Variants in ART4 observed in about 807,000 individuals in gnomAD.
The protein encoded by ART4 is ecto-ADP-ribosyltransferase 4.
A neutral mutation model predicts 24.2 loss-of-function variants in ART4; 14 were observed. The ratio of observed to expected loss-of-function variants is 0.58; its 90% CI spans 0.38 to 0.90. The LOEUF (loss-of-function observed/expected upper bound fraction) is 0.90, where lower values mean the gene tolerates loss of function less well. Ranked by LOEUF, ART4 falls within the 40% of genes least tolerant of loss-of-function variation. The probability of loss-of-function intolerance (pLI) is 0.00; values close to 1 mark genes in which losing one functional copy is unlikely to be tolerated. For missense variants in ART4, 356 were observed against 366.6 expected, an observed-to-expected ratio of 0.97 and a Z score of 0.24; for synonymous variants, 145 against 139.9, an observed-to-expected ratio of 1.04 and a Z score of -0.26.
chr12:14,835,925 C>T (rs936663510), intron 2 of ART4, among the ~76,000 whole-genome samples: 4 of 152,064 alleles, frequency 2.6e-5, no homozygotes, highest in African/African-American at 9.7e-5. Context: ...TTTTTTAAAT[C>T]ATAAGAGATA....
intron 2 of ART4, among the ~76,000 whole-genome samples, chr12:14,835,536 G>T (rs180899925): frequency 5.3e-5 from 8 of 151,568 alleles, no homozygotes; most frequent in Admixed American, 2.6e-4. Flanking sequence ...CTGATTGAGA[G>T]AAAAACAAAG....
At chr12:14,832,463 T>C (rs1333671799) in intron 2 of ART4, among the ~76,000 whole-genome samples, 4 of 152,194 alleles carry the variant, frequency 2.6e-5, no homozygotes, top group Non-Finnish European at 5.9e-5. Context: ...CTTCCCATAG[T>C]GTTCACTGTC....
chr12:14,841,053 T>C lies in ART4; in HGVS notation c.245A>G (p.Tyr82Cys). ...CTGGGCTTCTATGTCTTTTGTGAAATAATCCCCTTGAGTTAGTTTCTCCAT... is the reference window on the plus strand; with the variant it reads ...CTGGGCTTCTATGTCTTTTGTGAAACAATCCCCTTGAGTTAGTTTCTCCAT... ...QVMEKLTQGD[Y>C]FTKDIEAQKN... The change falls in exon 2 of 3, where the codon TAT becomes TGT. Residue 82 changes from tyrosine (Y) to cysteine (C), a missense_variant. Transcript: ENST00000228936. The C allele has an allele frequency of 6.2e-7, 1 of 1,614,218 alleles. No individual in the cohort carries two copies. The highest frequency in any genetic ancestry group is 8.5e-7 in the Non-Finnish European group (1 of 1,180,028).
chr12:14,829,418 G>C lies in ART4; in HGVS notation c.898C>G (p.Leu300Val), dbSNP rs3088190. 172,889 of 1,606,268 alleles carry C rather than the reference G, an allele frequency of 0.11. 11,176 individuals are homozygous for C. The highest frequency in any genetic ancestry group is 0.3 in the Admixed American group (17,623 of 58,718). ...CIPDPIAIAS[L>V]SFLTSVIIFS... ...ATGATGACACTGGTCAAAAAGGAGA[G>C]AGATGCAATAGCTATAGGATCAGGG... The change falls in exon 3 of 3, where the codon CTC (leucine) becomes GTC (valine). Residue 300 changes from leucine to valine, a missense_variant. Coordinates refer to ENST00000228936, the MANE Select transcript of ART4 (RefSeq NM_021071.4).
chr12:14,831,522 C>T (rs758699154), intron 2 of ART4, among the ~76,000 whole-genome samples: 1 of 152,052 alleles, frequency 6.6e-6, no homozygotes, highest in Non-Finnish European at 1.5e-5. Context: ...ACCTCGGCCT[C>T]CCAGAGTGCT....
intron 2 of ART4, among the ~76,000 whole-genome samples, chr12:14,834,434 T>C (rs1279017570): frequency 2.0e-5 from 3 of 152,208 alleles, no homozygotes; most frequent in Non-Finnish European, 4.4e-5. Context: ...CAGATACTAT[T>C]CTAAGAGATT....
At position 14,843,341 on chromosome 12, in the gene ART4, A is replaced by C. The variant is rs1446894797; in HGVS notation, c.-228T>G. On this transcript the variant is annotated 5_prime_UTR_variant, in exon 1 of 3. Transcript: ENST00000228936. ...ATCTCTGTGAAATAGCCAGATGCGC[A>C]CACCAAATAAGGGTTTCTAAAGAGA... The C allele has an allele frequency of 2.1e-6, 1 of 480,994 alleles. No homozygotes were observed. The highest frequency in any genetic ancestry group is 3.4e-5 in the Admixed American group (1 of 29,668). The allele number at this position is 480,994 out of a possible 1,614,324, so 29.8% of individuals were successfully genotyped here.
chr12:14,830,156 T>G (rs1012838100), intron 2 of ART4, among the ~76,000 whole-genome samples: 4 of 101,036 alleles, frequency 4.0e-5, no homozygotes, highest in Non-Finnish European at 6.8e-5. Context: ...GTGTGTGTGT[T>G]CTAACTACAC....
At position 14,840,780 on chromosome 12, in the gene ART4, T is replaced by C; in HGVS notation, c.518A>G (p.Asp173Gly). The C allele has an allele frequency of 6.2e-7, 1 of 1,614,154 alleles. No individual in the cohort carries two copies. Among genetic ancestry groups the C allele is most frequent in the Non-Finnish European group, 8.5e-7 (1 of 1,180,026 alleles). The change falls in exon 2 of 3, where the codon GAC becomes GGC. Residue 173 changes from aspartate to glycine, a missense_variant. Transcript: ENST00000228936. ...LTSAIQLLRK[D>G]SIMENGTLCY... ...CAGAGTGCCATTCTCCATGATGCTG[T>C]CTTTCCTCAGCAGCTGGATTGCTGA...
chr12:14,835,150 G>A (rs910516530), intron 2 of ART4, among the ~76,000 whole-genome samples: 1 of 152,190 alleles, frequency 6.6e-6, no homozygotes, highest in African/African-American at 2.4e-5. Flanking sequence ...GACTTCTGGG[G>A]ACACAGAATA....
intron 2 of ART4, among the ~76,000 whole-genome samples, chr12:14,833,221 A>G (rs138815838): frequency 6.6e-6 from 1 of 152,306 alleles, no homozygotes; most frequent in Non-Finnish European, 1.5e-5. Flanking sequence ...CTGCCTATGA[A>G]AAGGGTAACT....
chr12:14,838,143 T>C (rs921339722), intron 2 of ART4, among the ~76,000 whole-genome samples: 1 of 152,220 alleles, frequency 6.6e-6, no homozygotes, highest in Non-Finnish European at 1.5e-5. Flanking sequence ...TAGTGATCTA[T>C]GTGGCTACCC....
chr12:14,841,342 G>A (rs1863049533), intron 1 of ART4, 189 bp from the exon 2 acceptor site: 1 of 509,480 alleles, frequency 2.0e-6, no homozygotes, highest in East Asian at 3.2e-5. Context: ...GATTGAATTT[G>A]GTTTGATAAA....
chr12:14,843,094 C>A lies in ART4; in HGVS notation c.20G>T (p.Arg7Ile). 1 of 1,614,202 alleles carries A rather than the reference C, an allele frequency of 6.2e-7. No individual in the cohort carries two copies. The highest frequency in any genetic ancestry group is 8.5e-7 in the Non-Finnish European group (1 of 1,180,018). ...AGTTGGGAGAAGAATCTTCTTGCAT[C>A]TGTTGATCAATGGACCCATTTGCTT... MGPLIN[R>I]CKKILLPTTV... The change falls in exon 1 of 3, where the codon AGA becomes ATA. Residue 7 changes from arginine (R) to isoleucine (I), a missense_variant. Coordinates refer to ENST00000228936, the MANE Select transcript of ART4 (RefSeq NM_021071.4).
At chr12:14,837,734 C>G (rs928195015) in intron 2 of ART4, among the ~76,000 whole-genome samples, 1 of 152,144 alleles carries the variant, frequency 6.6e-6, no homozygotes, top group Non-Finnish European at 1.5e-5. Flanking sequence ...AGGCTGGTCT[C>G]AAACTCCTGG....
At chr12:14,836,581 G>A (rs999773895) in intron 2 of ART4, among the ~76,000 whole-genome samples, 2 of 152,128 alleles carry the variant, frequency 1.3e-5, no homozygotes, top group African/African-American at 4.8e-5. Flanking sequence ...ATAGGTAAGG[G>A]GGCATTACTG....
At position 14,834,250 on chromosome 12, in the gene ART4, A is replaced by G. The variant is rs896018179; in HGVS notation, c.854-4788T>C. ...TATTCAATGACTCATTCTTTCATCC[A>G]TTTATCTGAGACAGACACTCTACTT... is the stretch of plus-strand genomic sequence containing the variant. On this transcript the variant is annotated intron_variant, in intron 2 of 2. Transcript: ENST00000228936. Among the ~76,000 whole-genome samples the G allele has an allele frequency of 2.6e-5, 4 of 152,174 alleles. No homozygotes were observed. In the East Asian group the frequency reaches 5.8e-4, roughly 22 times the overall value.
chr12:14,827,730 G>A lies in ART4; in HGVS notation c.*1641C>T, dbSNP rs1950368442. 6.6e-6 allele frequency: 1 copy of A among 152,052 alleles called. No individual in the cohort carries two copies. The highest frequency in any genetic ancestry group is 1.9e-4 in the East Asian group (1 of 5,180). 9.4% of individuals were successfully genotyped at this position (152,052 alleles called of 1,614,324 possible). ...ATTCTTTCCTTTATTGACTGTAGAG[G>A]CTACTGCAACTAGGTGACAGAGGTG... is the stretch of plus-strand genomic sequence containing the variant. On this transcript the variant is annotated 3_prime_UTR_variant, in exon 3 of 3. Transcript: ENST00000228936.
chr12:14,835,330 G>C (rs1227930670), intron 2 of ART4, among the ~76,000 whole-genome samples: 1 of 152,140 alleles, frequency 6.6e-6, no homozygotes, highest in East Asian at 1.9e-4. Flanking sequence ...TAGCTATCTA[G>C]AAAGTTGGGT....
Sources: allele counts gnomAD v4.1 joint callset (sites outside exome capture counted in the v4.1 genomes callset), GRCh38; gene constraint gnomAD v4.1.1; transcripts MANE v1.5; gene names NCBI Gene and HGNC (gene_info 2026-07-23, HGNC 2026-07-21).